Variants in PPP6R2 observed in about 807,000 individuals in gnomAD.
PPP6R2 encodes the protein protein phosphatase 6 regulatory subunit 2.
In PPP6R2, 62 loss-of-function variants were observed where a neutral mutation model predicts 100.2. The ratio of observed to expected loss-of-function variants is 0.62; its 90% CI spans 0.50 to 0.76. The LOEUF (loss-of-function observed/expected upper bound fraction) is 0.76, where lower values mean the gene tolerates loss of function less well. PPP6R2 is among the 30% of genes least tolerant of loss of function. The pLI is 0.00. For synonymous variants in PPP6R2, 525 were observed against 514.7 expected (o/e 1.02, Z -0.27); for missense variants, 1,142 against 1,276.3 (o/e 0.89, Z 1.60).
Position 50,419,398 on chromosome 22 carries a change from A to G in PPP6R2, c.781A>G (p.Thr261Ala). The G allele has an allele frequency of 6.2e-7, 1 of 1,614,214 alleles. No individual in the cohort carries two copies. The highest frequency in any genetic ancestry group is 2.2e-5 in the East Asian group (1 of 44,884). The change falls in exon 8 of 24, where the codon ACG (threonine) becomes GCG (alanine). Residue 261 changes from threonine (T) to alanine (A), a missense_variant. Transcript: ENST00000612753. ...GAAGAACATGTTTGATGGAGACCGG[A>G]CGGAGAGCTGCCTCGTCAGTGGGAC... ...LLKNMFDGDR[T>A]ESCLVSGTQV...
At chr22:50,406,991 A>G (rs1453874377) in intron 4 of PPP6R2, 116 bp downstream of exon 4, 2 of 1,046,266 alleles carry the variant, frequency 1.9e-6, no homozygotes, top group Non-Finnish European at 2.9e-6. Context: ...AGCATCTGTG[A>G]CTCTTCTGCG....
At chr22:50,442,467 A>C (rs2065892321) in intron 22 of PPP6R2, among the ~76,000 whole-genome samples, 1 of 152,266 alleles carries the variant, frequency 6.6e-6, no homozygotes, top group Non-Finnish European at 1.5e-5. Flanking sequence ...GTCACTGGGA[A>C]GCCCAGGCCA....
chr22:50,354,788 A>T (rs925762822), intron 1 of PPP6R2, among the ~76,000 whole-genome samples: 2 of 150,452 alleles, frequency 1.3e-5, no homozygotes, highest in African/African-American at 4.9e-5. Context: ...TGACAGTGAG[A>T]CTCTCTCTCG....
chr22:50,427,052 G>C (rs1033524986), intron 10 of PPP6R2, among the ~76,000 whole-genome samples: 1 of 150,458 alleles, frequency 6.6e-6, no homozygotes, highest in African/African-American at 2.4e-5. Context: ...AGCTGGGTGT[G>C]GTGGCATGTG....
At chr22:50,415,410 A>G (rs2060394072) in intron 5 of PPP6R2, among the ~76,000 whole-genome samples, 1 of 152,180 alleles carries the variant, frequency 6.6e-6, no homozygotes, top group Non-Finnish European at 1.5e-5. Context: ...ACCGCCACCA[A>G]CCTTTACACA....
chr22:50,384,385 C>G (rs2053762173), intron 2 of PPP6R2, among the ~76,000 whole-genome samples: 1 of 152,098 alleles, frequency 6.6e-6, no homozygotes, highest in Non-Finnish European at 1.5e-5. Context: ...GAAACCCCGT[C>G]TCTACTAAAA....
In PPP6R2 at chr22:50,419,514, T is replaced by A. The variant is rs1311287084; in HGVS notation, c.845+52T>A. The A allele has an allele frequency of 3.9e-6, 5 of 1,284,022 alleles. No homozygotes were observed. In the South Asian group the frequency reaches 4.8e-5, roughly 12 times the overall value. The allele number at this position is 1,284,022 out of a possible 1,614,324, so 79.5% of individuals were successfully genotyped here. ...AGAGCTGAACTTGACGCCTCAGTGATATGGCAGCCCACACGAGCAGTCTGG... is the reference window on the plus strand; with the variant it reads ...AGAGCTGAACTTGACGCCTCAGTGAAATGGCAGCCCACACGAGCAGTCTGG... On this transcript the variant is annotated intron_variant, in intron 8 of 23. Transcript: ENST00000612753.
intron 4 of PPP6R2, among the ~76,000 whole-genome samples, chr22:50,408,561 A>G (rs2059309722): frequency 6.6e-6 from 1 of 152,072 alleles, no homozygotes; most frequent in Non-Finnish European, 1.5e-5. Context: ...GTGGGAGTGG[A>G]GGCAGCGGGG....
At chr22:50,414,743 AGCTGGTTAAGT>A (rs2060287251) in intron 5 of PPP6R2, 54 bp downstream of exon 5, 1 of 1,581,030 alleles carries the variant, frequency 6.3e-7, no homozygotes. Flanking sequence ...GCAGGAAGCC[AGCTGGTTAAGT>A]GCAGGAGCTC....
At chr22:50,370,785 C>T (rs866656038) in intron 1 of PPP6R2, among the ~76,000 whole-genome samples, 78 of 151,624 alleles carry the variant, frequency 5.1e-4, no homozygotes, top group Admixed American at 3.8e-3. Flanking sequence ...AGGCGCCTGC[C>T]ATTGTGCCTC....
At chr22:50,430,501 T>C (rs985123535) in intron 10 of PPP6R2, among the ~76,000 whole-genome samples, 1 of 152,186 alleles carries the variant, frequency 6.6e-6, no homozygotes, top group Non-Finnish European at 1.5e-5. Flanking sequence ...TAGTTAAAGT[T>C]GATTGTATAC....
intron 19 of PPP6R2, 44 bp from the exon 20 acceptor site, chr22:50,439,657 C>G (rs1378091744): frequency 4.7e-6 from 7 of 1,496,814 alleles, no homozygotes; most frequent in Non-Finnish European, 6.3e-6. Context: ...CCTGCAGCAC[C>G]CCAGGCCTGC....
chr22:50,385,474 C>T (rs1051444461), intron 2 of PPP6R2, among the ~76,000 whole-genome samples: 2 of 150,532 alleles, frequency 1.3e-5, no homozygotes, highest in African/African-American at 4.9e-5. Flanking sequence ...GCCGGGATTA[C>T]AGCATGAGCC....
chr22:50,339,769 TGGTATGTGGTGTGTGTGTGGTGTGTGTGG>T (rs2042349103), upstream of PPP6R2, among the ~76,000 whole-genome samples: 1 of 122,338 alleles, frequency 8.2e-6, no homozygotes, highest in African/African-American at 3.7e-5. Context: ...GTGGTGTGTG[TGGTATGTGGTGTGTGTGTGGTGTGTGTGG>T]GGTATGTGTG....
intron 4 of PPP6R2, among the ~76,000 whole-genome samples, chr22:50,408,452 G>A (rs2059288840): frequency 6.6e-6 from 1 of 152,146 alleles, no homozygotes; most frequent in Admixed American, 6.6e-5. Context: ...AGGGCCGCCA[G>A]GGGACTGCCT....
chr22:50,393,677 T>C (rs1357476263), intron 2 of PPP6R2: 3 of 972,276 alleles, frequency 3.1e-6, no homozygotes, highest in African/African-American at 3.5e-5. Flanking sequence ...CCTGGAGAGG[T>C]CTGATGGGAA....
intron 2 of PPP6R2, among the ~76,000 whole-genome samples, chr22:50,385,592 T>G (rs1208346683): frequency 1.3e-5 from 2 of 150,682 alleles, no homozygotes; most frequent in African/African-American, 2.4e-5. Flanking sequence ...CTCGGCTCAC[T>G]GCAACCTCTC....
At chr22:50,390,667 A>G (rs1364358434) in intron 2 of PPP6R2, among the ~76,000 whole-genome samples, 1 of 152,032 alleles carries the variant, frequency 6.6e-6, no homozygotes, top group East Asian at 1.9e-4. Context: ...CTCAAAAAAA[A>G]GAGAAGACAT....
chr22:50,388,692 T>C (rs1022569773), intron 2 of PPP6R2, among the ~76,000 whole-genome samples: 1 of 151,804 alleles, frequency 6.6e-6, no homozygotes, highest in African/African-American at 2.4e-5. Context: ...GCCAATATGG[T>C]GAAACCCAGT....
Sources: gnomAD v4.1 joint callset for allele counts (sites outside exome capture counted in the v4.1 genomes callset) on GRCh38, gnomAD v4.1.1 for gene constraint, MANE v1.5 for transcripts, NCBI Gene and HGNC (gene_info 2026-07-23, HGNC 2026-07-21) for gene names.